Variants in SLC25A26 observed in about 807,000 individuals in gnomAD.
The protein encoded by SLC25A26 is mitochondrial S-adenosylmethionine carrier protein.
SLC25A26 carries 36 observed loss-of-function variants against 37.8 expected under a neutral mutation model. The observed-to-expected ratio is 0.95, with a 90% CI of 0.73 to 1.26. The LOEUF is 1.26. Among genes scored for constraint, SLC25A26 ranks in the 50% most tolerant of loss-of-function variants. SLC25A26 has a pLI of 0.00. For missense variants in SLC25A26, 390 were observed against 331.1 expected, an observed-to-expected ratio of 1.18 and a Z score of -1.38; for synonymous variants, 129 against 122.5, an observed-to-expected ratio of 1.05 and a Z score of -0.35.
intron 1 of SLC25A26, among the ~76,000 whole-genome samples, chr3:66,210,756 C>G (rs2071274177): frequency 6.6e-6 from 1 of 152,278 alleles, no homozygotes; most frequent in South Asian, 2.1e-4. Flanking sequence ...TCAAGCAACC[C>G]TCCCACCTCA....
chr3:66,140,126 C>T (rs898695162), intron 1 of SLC25A26, among the ~76,000 whole-genome samples: 3 of 152,150 alleles, frequency 2.0e-5, no homozygotes, highest in Non-Finnish European at 2.9e-5. Flanking sequence ...GCTTCATTTG[C>T]AGGATGCTCT....
intron 5 of SLC25A26, among the ~76,000 whole-genome samples, chr3:66,298,692 T>G (rs1340451937): frequency 6.6e-6 from 1 of 152,120 alleles, no homozygotes; most frequent in African/African-American, 2.4e-5. Context: ...CTGCTAGAAA[T>G]GAGCACCAGT....
At chr3:66,253,443 A>G (rs2107211637) in intron 3 of SLC25A26, among the ~76,000 whole-genome samples, 1 of 151,198 alleles carries the variant, frequency 6.6e-6, no homozygotes, top group South Asian at 2.1e-4. Context: ...AGTTTTCTGG[A>G]TTATCCACGT....
At chr3:66,170,788 ATTGTTT>A (rs1382826075) in intron 1 of SLC25A26, among the ~76,000 whole-genome samples, 6 of 56,428 alleles carry the variant, frequency 1.1e-4, no homozygotes, top group Non-Finnish European at 2.1e-4. Context: ...AGATGTGATT[ATTGTTT>A]TTTTTTTTTT....
chr3:66,246,964 C>T (rs2072873605), intron 3 of SLC25A26, among the ~76,000 whole-genome samples: 1 of 152,110 alleles, frequency 6.6e-6, no homozygotes, highest in East Asian at 1.9e-4. Context: ...CAGGTTCACG[C>T]CATTCTCTTG....
intron 5 of SLC25A26, among the ~76,000 whole-genome samples, chr3:66,312,576 C>T (rs1010029478): frequency 1.3e-5 from 2 of 151,872 alleles, no homozygotes; most frequent in African/African-American, 4.8e-5. Flanking sequence ...CTGCACCTAG[C>T]TCTGCCCAAA....
chr3:66,356,416 T>C (rs2076577024), intron 6 of SLC25A26, among the ~76,000 whole-genome samples: 1 of 152,218 alleles, frequency 6.6e-6, no homozygotes. Context: ...CTGATTGTTT[T>C]TGTAGTGGTA....
intron 1 of SLC25A26, among the ~76,000 whole-genome samples, chr3:66,189,501 C>T (rs2070895272): frequency 6.6e-6 from 1 of 152,264 alleles, no homozygotes; most frequent in East Asian, 1.9e-4. Context: ...TATAATGATT[C>T]TGACTCTAAT....
At chr3:66,288,661 C>T (rs902064805) in intron 5 of SLC25A26, among the ~76,000 whole-genome samples, 1 of 152,108 alleles carries the variant, frequency 6.6e-6, no homozygotes, top group African/African-American at 2.4e-5. Flanking sequence ...TGAACTCATC[C>T]ATTTTTATGG....
chr3:66,220,377 T>C (rs1326266536), upstream of SLC25A26, among the ~76,000 whole-genome samples: 1 of 152,214 alleles, frequency 6.6e-6, no homozygotes, highest in African/African-American at 2.4e-5. Context: ...CTCCAAGAAA[T>C]GTTATTAAGT....
intron 1 of SLC25A26, among the ~76,000 whole-genome samples, chr3:66,234,492 A>C (rs782433878): frequency 6.6e-6 from 1 of 152,200 alleles, no homozygotes; most frequent in Admixed American, 6.5e-5. Flanking sequence ...TTTGCAGATT[A>C]GAACTTCAGG....
At chr3:66,345,723 C>T (rs1201402074) in intron 5 of SLC25A26, among the ~76,000 whole-genome samples, 1 of 152,172 alleles carries the variant, frequency 6.6e-6, no homozygotes, top group East Asian at 1.9e-4. Flanking sequence ...TAAATCCTAA[C>T]ACTGCCTGCT....
At chr3:66,376,857 C>T (rs959159281) in intron 9 of SLC25A26, among the ~76,000 whole-genome samples, 2 of 152,086 alleles carry the variant, frequency 1.3e-5, no homozygotes, top group Non-Finnish European at 2.9e-5. Flanking sequence ...CCCTGGCTTG[C>T]CTTTTAGATA....
chr3:66,244,878 G>A (rs1311690367), intron 3 of SLC25A26, among the ~76,000 whole-genome samples: 1 of 152,072 alleles, frequency 6.6e-6, no homozygotes, highest in Non-Finnish European at 1.5e-5. Context: ...TTGGGAGGCT[G>A]AGGCAGGAGA....
intron 1 of SLC25A26, among the ~76,000 whole-genome samples, chr3:66,162,371 G>A (rs528547344): frequency 3.4e-5 from 5 of 148,534 alleles, no homozygotes; most frequent in African/African-American, 7.5e-5. Context: ...GTGGTTGGGC[G>A]GGGGAGGGGG....
intron 1 of SLC25A26, among the ~76,000 whole-genome samples, chr3:66,223,020 C>T (rs1553659185): frequency 6.7e-6 from 1 of 148,648 alleles, no homozygotes; most frequent in Non-Finnish European, 1.5e-5. Context: ...CACAATTTTT[C>T]TTCCATCTAT....
At chr3:66,269,220 C>T (rs566406226) in intron 5 of SLC25A26, among the ~76,000 whole-genome samples, 32 of 152,286 alleles carry the variant, frequency 2.1e-4, no homozygotes, top group African/African-American at 7.2e-4. Flanking sequence ...CTAGGAGATT[C>T]GGAAATTAAA....
At chr3:66,241,326 C>T (rs549220537) in intron 2 of SLC25A26, among the ~76,000 whole-genome samples, 16 of 152,202 alleles carry the variant, frequency 1.1e-4, no homozygotes, top group African/African-American at 3.1e-4. Flanking sequence ...GTTTGAGAAC[C>T]TCTGAACTAG....
chr3:66,135,019 C>T (rs904727776), intron 1 of SLC25A26, among the ~76,000 whole-genome samples: 2 of 151,874 alleles, frequency 1.3e-5, no homozygotes, highest in Non-Finnish European at 2.9e-5. Context: ...TTAGTACAGA[C>T]GGGGTTTCAC....
Sources: allele counts gnomAD v4.1 joint callset (sites outside exome capture counted in the v4.1 genomes callset), GRCh38; gene constraint gnomAD v4.1.1; transcripts MANE v1.5; gene names NCBI Gene and HGNC (gene_info 2026-07-23, HGNC 2026-07-21).